The following ZHX2 variants were observed in gnomAD, a reference collection of about 807,000 sequenced individuals.
The protein encoded by ZHX2 is zinc fingers and homeoboxes protein 2.
A neutral mutation model predicts 21.9 loss-of-function variants in ZHX2; 6 were observed. The ratio of observed to expected loss-of-function variants is 0.27; its 90% CI spans 0.15 to 0.54. ZHX2 has a LOEUF of 0.54. Among genes scored for constraint, ZHX2 ranks in the 20% least tolerant of loss-of-function variants. The pLI is 0.95. For synonymous variants in ZHX2, 434 were observed against 437.1 expected, an observed-to-expected ratio of 0.99 and a Z score of 0.09; for missense variants, 908 against 1,090.7, an observed-to-expected ratio of 0.83 and a Z score of 2.36.
At chr8:122,852,484 C>T (rs1009969379) in intron 1 of ZHX2, among the ~76,000 whole-genome samples, 1 of 152,064 alleles carries the variant, frequency 6.6e-6, no homozygotes, top group African/African-American at 2.4e-5. Flanking sequence ...TGTTAAATCA[C>T]TTAGCCAAAG....
intron 2 of ZHX2, among the ~76,000 whole-genome samples, chr8:122,884,747 T>TGTGGGAGC (rs1300866216): frequency 6.6e-6 from 1 of 152,176 alleles, no homozygotes; most frequent in African/African-American, 2.4e-5. Flanking sequence ...CAAGCAGACC[T>TGTGGGAGC]GTGGGAGCAT....
chr8:122,879,018 G>T (rs1158874904), intron 2 of ZHX2, among the ~76,000 whole-genome samples: 1 of 152,052 alleles, frequency 6.6e-6, no homozygotes, highest in African/African-American at 2.4e-5. Context: ...TGCACTCTTC[G>T]TAGTGCCAGG....
At chr8:122,832,270 G>A (rs1191846542) in intron 1 of ZHX2, among the ~76,000 whole-genome samples, 1 of 152,166 alleles carries the variant, frequency 6.6e-6, no homozygotes, top group African/African-American at 2.4e-5. Context: ...CGGTGAGCTA[G>A]CTTGTCTTTG....
intron 3 of ZHX2, among the ~76,000 whole-genome samples, chr8:122,970,402 G>C (rs569892082): frequency 1.4e-4 from 21 of 152,314 alleles, no homozygotes; most frequent in Admixed American, 4.6e-4. Flanking sequence ...GGAGCGGATG[G>C]GGGGGTCAGC....
At chr8:122,911,099 G>A (rs546011360) in intron 2 of ZHX2, among the ~76,000 whole-genome samples, 6 of 152,272 alleles carry the variant, frequency 3.9e-5, no homozygotes, top group South Asian at 2.1e-4. Context: ...TTTGTACATC[G>A]GTCTACACAC....
At chr8:122,950,930 T>A (rs1254611338) in intron 2 of ZHX2, among the ~76,000 whole-genome samples, 1 of 152,082 alleles carries the variant, frequency 6.6e-6, no homozygotes, top group African/African-American at 2.4e-5. Flanking sequence ...TGGGGACACA[T>A]CTCGCTTCCG....
rs1812789384 is a variant in ZHX2 at position 122,939,473 on chromosome 8, G to A, written c.-219-11819G>A. On this transcript the variant is annotated intron_variant, in intron 2 of 3. Transcript: ENST00000314393. The stretch of plus-strand genomic sequence containing the variant: ...TTTTATGGAAACAGCAACCTGAGGT[G>A]TTTGTAACCCAAAGGGAAGGGGACC... 2.6e-5 allele frequency among the ~76,000 whole-genome samples: 4 copies of A among 152,190 alleles called. No individual in the cohort carries two copies. The South Asian group carries it at 8.3e-4, about 32-fold the overall frequency.
chr8:122,913,664 C>A (rs979235602), intron 2 of ZHX2, among the ~76,000 whole-genome samples: 22 of 152,222 alleles, frequency 1.4e-4, no homozygotes, highest in African/African-American at 4.6e-4. Flanking sequence ...TCTTGAGCAA[C>A]CCTAAACTCA....
At chr8:122,963,358 G>A (rs1033967645) in intron 3 of ZHX2, among the ~76,000 whole-genome samples, 2 of 152,080 alleles carry the variant, frequency 1.3e-5, no homozygotes, top group Admixed American at 1.3e-4. Flanking sequence ...AATTATCCCA[G>A]CACCATTTAT....
intron 2 of ZHX2, among the ~76,000 whole-genome samples, chr8:122,908,740 C>T (rs1360096355): frequency 6.6e-6 from 1 of 152,170 alleles, no homozygotes; most frequent in Non-Finnish European, 1.5e-5. Flanking sequence ...AAAACACTTG[C>T]CAGTGAACGA....
At chr8:122,958,564 G>A (rs1040301289) in intron 3 of ZHX2, among the ~76,000 whole-genome samples, 4 of 152,198 alleles carry the variant, frequency 2.6e-5, no homozygotes, top group Admixed American at 2.0e-4. Flanking sequence ...CTGTGAGGTA[G>A]GTACAGCCTT....
intron 2 of ZHX2, among the ~76,000 whole-genome samples, chr8:122,946,974 T>A (rs1008026427): frequency 6.6e-6 from 1 of 150,846 alleles, no homozygotes; most frequent in Admixed American, 6.7e-5. Context: ...TAATTTGTGA[T>A]GCTGGGTGTG....
At chr8:122,920,103 G>A (rs1052505804) in intron 2 of ZHX2, among the ~76,000 whole-genome samples, 17 of 152,178 alleles carry the variant, frequency 1.1e-4, no homozygotes, top group African/African-American at 2.4e-4. Flanking sequence ...GCAAAACTCC[G>A]TCTCTACTAA....
intron 2 of ZHX2, among the ~76,000 whole-genome samples, chr8:122,871,241 C>A (rs114861097): frequency 0.015 from 2,323 of 152,072 alleles, 62 homozygotes; most frequent in African/African-American, 0.053. Flanking sequence ...AGCACATGTA[C>A]AGTGTTAAGA....
chr8:122,858,636 TTC>T (rs200619724), intron 1 of ZHX2, among the ~76,000 whole-genome samples: 24,932 of 128,350 alleles, frequency 0.19, 2,253 homozygotes, highest in South Asian at 0.27. Context: ...TTTTCTTTCT[TTC>T]TTTTTTTTTT....
chr8:122,928,911 G>T (rs1820918022), intron 2 of ZHX2, among the ~76,000 whole-genome samples: 1 of 152,136 alleles, frequency 6.6e-6, no homozygotes, highest in Non-Finnish European at 1.5e-5. Flanking sequence ...TTTCCATAAA[G>T]ATAGGACATC....
chr8:122,846,258 G>A (rs879487308), intron 1 of ZHX2, among the ~76,000 whole-genome samples: 6 of 152,206 alleles, frequency 3.9e-5, no homozygotes, highest in Non-Finnish European at 5.9e-5. Context: ...TTGCAAACTT[G>A]TCAGGTTACA....
chr8:122,882,275 A>G (rs1819730313), intron 2 of ZHX2, among the ~76,000 whole-genome samples: 1 of 152,084 alleles, frequency 6.6e-6, no homozygotes, highest in Non-Finnish European at 1.5e-5. Context: ...GAATGGAAAC[A>G]ATAGCCTCTA....
At chr8:122,847,666 T>C (rs1438260774) in intron 1 of ZHX2, among the ~76,000 whole-genome samples, 1 of 152,224 alleles carries the variant, frequency 6.6e-6, no homozygotes, top group Non-Finnish European at 1.5e-5. Context: ...GGGGATGTGC[T>C]CATGATGACT....
Sources: allele counts gnomAD v4.1 joint callset (sites outside exome capture counted in the v4.1 genomes callset), GRCh38; gene constraint gnomAD v4.1.1; transcripts MANE v1.5; gene names NCBI Gene and HGNC (gene_info 2026-07-23, HGNC 2026-07-21).